Variants in ARMH1 observed in about 807,000 individuals in gnomAD.
ARMH1 encodes armadillo like helical domain containing 1.
ARMH1 carries 34 observed loss-of-function variants against 50.2 expected under a neutral mutation model. That is an observed-to-expected ratio of 0.68 (90% CI 0.51 to 0.90). The LOEUF (loss-of-function observed/expected upper bound fraction) is 0.90, where lower values mean the gene tolerates loss of function less well. ARMH1 is among the 40% of genes least tolerant of loss of function. The probability of loss-of-function intolerance (pLI) is 0.00; values close to 1 mark genes in which losing one functional copy is unlikely to be tolerated. For missense variants in ARMH1, 538 were observed against 553.9 expected, an observed-to-expected ratio of 0.97 and a Z score of 0.29; for synonymous variants, 221 against 224.2, an observed-to-expected ratio of 0.99 and a Z score of 0.13.
In ARMH1 at chr1:44,682,967, C is replaced by G. The variant is rs1424317270; in HGVS notation, c.-22-6709C>G. Reference sequence around the variant, plus strand: ...AAATAAAAATAAAAATAAAAAATCTCACATCACTGTGGAGTTTAGGCTGGG... The same window carrying G: ...AAATAAAAATAAAAATAAAAAATCTGACATCACTGTGGAGTTTAGGCTGGG... On this transcript the variant is annotated intron_variant, in intron 1 of 11. Coordinates refer to ENST00000535358, the MANE Select transcript of ARMH1 (RefSeq NM_001145636.2). The surrounding 1 kb of genome is among the most constrained non-coding windows in gnomAD (Gnocchi z 4.5). 6.6e-6 allele frequency among the ~76,000 whole-genome samples: 1 copy of G among 152,108 alleles called. No individual in the cohort carries two copies. The highest frequency in any genetic ancestry group is 1.5e-5 in the Non-Finnish European group (1 of 68,010).
intron 6 of ARMH1, among the ~76,000 whole-genome samples, chr1:44,713,540 T>A (rs951917969): frequency 2.6e-5 from 4 of 152,346 alleles, no homozygotes; most frequent in South Asian, 4.1e-4. Context: ...AAACCTGCTA[T>A]TTTTAAAAGA....
In ARMH1 at chr1:44,724,244, G is replaced by A. The variant is rs1466116236; in HGVS notation, c.847G>A (p.Asp283Asn). 5 of 1,551,720 alleles carry A rather than the reference G, an allele frequency of 3.2e-6. No individual in the cohort carries two copies. The East Asian group carries it at 1.2e-4, about 38-fold the overall frequency. ...CAAACTGCAGGCCAAGATCCTCAGT[G>A]GTAAGGACCTGCTCAAATGGGGCTG... ...ISKLQAKILS[D>N]PSVLQLTPSL... is the part of the protein sequence containing the mutation. The change falls in exon 7 of 12, where the codon GAC becomes AAC. Residue 283 changes from aspartate to asparagine, a missense_variant and splice_region_variant. Asp to Asn is a conservative substitution (Grantham distance 23, BLOSUM62 1). Coordinates refer to ENST00000535358, the MANE Select transcript of ARMH1 (RefSeq NM_001145636.2). The surrounding 1 kb of genome is among the most constrained non-coding windows in gnomAD (Gnocchi z 6.4).
Position 44,724,721 on chromosome 1 carries a change from C to G in ARMH1, c.1051-41C>G, listed in dbSNP as rs1231400650. On this transcript the variant is annotated intron_variant, in intron 9 of 11. Transcript: ENST00000535358. The surrounding 1 kb of genome is among the most constrained non-coding windows in gnomAD (Gnocchi z 6.4). ...GGAAGGGCGGCGGCACCCGCAGCCC[C>G]GTCGCCCCCGCAGTCACGCCGCCTC... The G allele has an allele frequency of 6.7e-6, 10 of 1,496,676 alleles. No homozygotes were observed. The Admixed American group carries it at 9.3e-5, about 14-fold the overall frequency. The allele number at this position is 1,496,676 out of a possible 1,614,324, so 92.7% of individuals were successfully genotyped here.
intron 6 of ARMH1, among the ~76,000 whole-genome samples, chr1:44,709,730 AG>A (rs1646516964): frequency 6.7e-6 from 1 of 150,186 alleles, no homozygotes; most frequent in Non-Finnish European, 1.5e-5. Flanking sequence ...CCAGCTACTC[AG>A]GGAGGCTGAG....
intron 5 of ARMH1, among the ~76,000 whole-genome samples, chr1:44,702,983 TC>T (rs1285818084): frequency 1.3e-5 from 2 of 152,088 alleles, no homozygotes; most frequent in Non-Finnish European, 2.9e-5. Flanking sequence ...AAGTGGCTTC[TC>T]TTGGGAGGCT....
chr1:44,702,440 G>A (rs945655784), intron 5 of ARMH1, among the ~76,000 whole-genome samples: 1 of 152,048 alleles, frequency 6.6e-6, no homozygotes, highest in African/African-American at 2.4e-5. Context: ...AGGGCCGGGC[G>A]CAGTGGCTTA....
At chr1:44,686,649 C>G (rs1645479867) in intron 1 of ARMH1, among the ~76,000 whole-genome samples, 1 of 151,952 alleles carries the variant, frequency 6.6e-6, no homozygotes, top group Non-Finnish European at 1.5e-5. Flanking sequence ...GCACTCCAGC[C>G]TAGGCAACAG....
chr1:44,708,943 T>C (rs1646460687), intron 6 of ARMH1, among the ~76,000 whole-genome samples: 1 of 152,200 alleles, frequency 6.6e-6, no homozygotes, highest in Non-Finnish European at 1.5e-5. Context: ...CGTGCAAATA[T>C]GCTCTCTATC....
intron 6 of ARMH1, among the ~76,000 whole-genome samples, chr1:44,710,541 G>A (rs570003695): frequency 6.6e-6 from 1 of 150,464 alleles, no homozygotes; most frequent in Non-Finnish European, 1.5e-5. Flanking sequence ...CCCAGGAGGT[G>A]GAGCTTGCAG....
At chr1:44,717,337 C>T (rs1646896123) in intron 6 of ARMH1, among the ~76,000 whole-genome samples, 1 of 152,242 alleles carries the variant, frequency 6.6e-6, no homozygotes, top group African/African-American at 2.4e-5. Flanking sequence ...GACCCAGCAT[C>T]CCTGTTTCCC....
intron 2 of ARMH1, among the ~76,000 whole-genome samples, chr1:44,694,952 G>C (rs1053969192): frequency 1.3e-5 from 2 of 152,196 alleles, no homozygotes; most frequent in African/African-American, 4.8e-5. Flanking sequence ...TGAAAAGGTT[G>C]AGTAATTTAC....
At chr1:44,715,403 C>T (rs750136543) in intron 6 of ARMH1, among the ~76,000 whole-genome samples, 4 of 152,148 alleles carry the variant, frequency 2.6e-5, no homozygotes, top group Admixed American at 2.0e-4. Context: ...TTGGTTTCTT[C>T]GTCTATTCAA....
At chr1:44,691,536 A>G (rs1396045148) in intron 2 of ARMH1, among the ~76,000 whole-genome samples, 1 of 151,954 alleles carries the variant, frequency 6.6e-6, no homozygotes. Flanking sequence ...GTGTCTATGC[A>G]TTTCCCGCTC....
At chr1:44,700,346 C>T (rs532366132) in intron 4 of ARMH1, among the ~76,000 whole-genome samples, 5 of 152,228 alleles carry the variant, frequency 3.3e-5, no homozygotes, top group African/African-American at 9.6e-5. Flanking sequence ...GGCCGGGCGC[C>T]GTGGCTCACG....
chr1:44,697,501 C>G (rs1371742559), intron 3 of ARMH1, among the ~76,000 whole-genome samples: 5 of 152,132 alleles, frequency 3.3e-5, no homozygotes. Context: ...CTAACTAGAT[C>G]CAGGGCTCAA....
rs559287798 is a variant in ARMH1 at position 44,717,767 on chromosome 1, T to C, written c.725-6355T>C. ...TCAGCTTTAGGACATTTGGGTGTTA[T>C]CAGCACCACAGGCTTTAGGCAAAGC... On this transcript the variant is annotated intron_variant, in intron 6 of 11. Coordinates refer to ENST00000535358, the MANE Select transcript of ARMH1 (RefSeq NM_001145636.2). Among the ~76,000 whole-genome samples, 151 of 152,384 alleles carry C rather than the reference T, an allele frequency of 9.9e-4. No individual in the cohort carries two copies. The Middle Eastern group carries it at 0.01, about 10-fold the overall frequency.
intron 6 of ARMH1, among the ~76,000 whole-genome samples, chr1:44,716,082 C>G (rs1325044654): frequency 1.3e-5 from 2 of 152,324 alleles, no homozygotes; most frequent in Non-Finnish European, 2.9e-5. Flanking sequence ...CCTCCTATGG[C>G]TCTAGAAACT....
chr1:44,697,672 T>C (rs1645873103), intron 3 of ARMH1, among the ~76,000 whole-genome samples: 1 of 152,148 alleles, frequency 6.6e-6, no homozygotes, highest in Non-Finnish European at 1.5e-5. Flanking sequence ...AGTCCCAGGC[T>C]TTGAGCCTCA....
intron 6 of ARMH1, among the ~76,000 whole-genome samples, chr1:44,717,458 C>T (rs986063126): frequency 2.6e-5 from 4 of 152,200 alleles, no homozygotes; most frequent in African/African-American, 7.2e-5. Flanking sequence ...TGCCAATTCA[C>T]GCATCACCGT....
Sources: allele counts gnomAD v4.1 joint callset (sites outside exome capture counted in the v4.1 genomes callset), GRCh38; gene constraint gnomAD v4.1.1; non-coding constraint Gnocchi (gnomAD v3.1); transcripts MANE v1.5; gene names NCBI Gene and HGNC (gene_info 2026-07-23, HGNC 2026-07-21).